QKI: variants seen among roughly 807,000 people sequenced by gnomAD.
The protein encoded by QKI is QKI, KH domain containing RNA binding.
Under a neutral mutation model 39.0 loss-of-function variants are expected in QKI, and 10 were observed. The ratio of observed to expected loss-of-function variants is 0.26; its 90% CI spans 0.16 to 0.43. The LOEUF (loss-of-function observed/expected upper bound fraction) is 0.43. QKI is among the 20% of genes least tolerant of loss of function. The pLI is 1.00. For synonymous variants in QKI, 204 were observed against 155.4 expected, an observed-to-expected ratio of 1.31 and a Z score of -2.33; for missense variants, 218 against 428.0, an observed-to-expected ratio of 0.51 and a Z score of 4.33.
At chr6:163,539,189 C>T (rs536820010) in intron 4 of QKI, among the ~76,000 whole-genome samples, 1 of 152,196 alleles carries the variant, frequency 6.6e-6, no homozygotes, top group South Asian at 2.1e-4. Context: ...CGGGGAGCCC[C>T]TGGATTTGGA....
intron 3 of QKI, 132 bp from the exon 4 acceptor site, chr6:163,534,850 T>A: frequency 1.4e-6 from 1 of 715,060 alleles, no homozygotes; most frequent in East Asian, 3.0e-5. Context: ...GAAAAATAAT[T>A]CAAAGACTTG....
At chr6:163,547,346 C>G (rs893449110) in intron 4 of QKI, among the ~76,000 whole-genome samples, 1 of 152,118 alleles carries the variant, frequency 6.6e-6, no homozygotes, top group African/African-American at 2.4e-5. Flanking sequence ...TTACTGTGTT[C>G]TTAATTGCTT....
intron 6 of QKI, chr6:163,566,461 G>T: frequency 7.6e-7 from 1 of 1,313,552 alleles, no homozygotes; most frequent in Non-Finnish European, 9.7e-7. Context: ...TAGAGCTCAT[G>T]AAATACTGTA....
At chr6:163,429,839 G>A (rs1788691760) in intron 1 of QKI, among the ~76,000 whole-genome samples, 1 of 152,080 alleles carries the variant, frequency 6.6e-6, no homozygotes, top group Admixed American at 6.6e-5. Context: ...ATATGTGTGC[G>A]ATGTTATGAG....
At chr6:163,422,045 T>C (rs1788036041) in intron 1 of QKI, among the ~76,000 whole-genome samples, 1 of 152,116 alleles carries the variant, frequency 6.6e-6, no homozygotes, top group Non-Finnish European at 1.5e-5. Context: ...GTGCTGGGAT[T>C]ACAGGCGTGA....
chr6:163,499,138 T>G (rs1778590700), intron 3 of QKI, among the ~76,000 whole-genome samples: 2 of 152,092 alleles, frequency 1.3e-5, no homozygotes, highest in Non-Finnish European at 2.9e-5. Flanking sequence ...AAGCGTTTTG[T>G]TTTTTTGGAT....
At chr6:163,426,242 T>C (rs1006895891) in intron 1 of QKI, among the ~76,000 whole-genome samples, 2 of 150,494 alleles carry the variant, frequency 1.3e-5, no homozygotes, top group Admixed American at 6.6e-5. Flanking sequence ...TAGAACCATC[T>C]CTTTTTTTTT....
At chr6:163,476,581 G>GA (rs1489534845) in intron 2 of QKI, among the ~76,000 whole-genome samples, 1 of 152,186 alleles carries the variant, frequency 6.6e-6, no homozygotes. Context: ...TTTTTCTAGA[G>GA]AAAAAACTAG....
chr6:163,527,729 T>C (rs1780604876), intron 3 of QKI, among the ~76,000 whole-genome samples: 1 of 152,208 alleles, frequency 6.6e-6, no homozygotes, highest in South Asian at 2.1e-4. Flanking sequence ...CTTTGTAGTT[T>C]TACATCACTG....
intron 2 of QKI, among the ~76,000 whole-genome samples, chr6:163,466,079 A>G (rs1274249425): frequency 6.6e-6 from 1 of 151,620 alleles, no homozygotes; most frequent in Non-Finnish European, 1.5e-5. Context: ...GTGAGCCGAG[A>G]TCACATCACT....
intron 3 of QKI, among the ~76,000 whole-genome samples, chr6:163,488,998 AAC>A (rs1329099047): frequency 7.0e-6 from 1 of 142,320 alleles, no homozygotes; most frequent in African/African-American, 2.5e-5. Flanking sequence ...TTTAAACATA[AAC>A]AGTTATGTAA....
In QKI at chr6:163,486,509, T is replaced by C. The variant is rs552450341; in HGVS notation, c.402+7613T>C. Among the ~76,000 whole-genome samples the C allele has an allele frequency of 9.3e-4, 142 of 152,334 alleles. 1 individual carries two copies. The highest frequency in any genetic ancestry group is 3.4e-3 in the Middle Eastern group (1 of 294). ...TAGGTAGAGCATTTAATAACTTCTT[T>C]TACGTGATGCTTTTCATATACATTA... On this transcript the variant is annotated intron_variant, in intron 3 of 7. Transcript: ENST00000361752.
At chr6:163,478,367 T>C (rs544051107) in intron 2 of QKI, among the ~76,000 whole-genome samples, 1 of 152,336 alleles carries the variant, frequency 6.6e-6, no homozygotes, top group East Asian at 1.9e-4. Context: ...CAAAGGATTT[T>C]GGTAGAAAGG....
At chr6:163,537,224 A>G (rs1321857354) in intron 4 of QKI, among the ~76,000 whole-genome samples, 1 of 152,180 alleles carries the variant, frequency 6.6e-6, no homozygotes, top group African/African-American at 2.4e-5. Context: ...AGTTTGGAGC[A>G]TTATAAACCC....
intron 1 of QKI, among the ~76,000 whole-genome samples, chr6:163,452,644 A>G (rs1434722156): frequency 2.0e-5 from 3 of 152,222 alleles, no homozygotes; most frequent in African/African-American, 7.2e-5. Context: ...GGTATTTATA[A>G]AAATACAACT....
chr6:163,469,007 C>G (rs1389611761), intron 2 of QKI, among the ~76,000 whole-genome samples: 1 of 151,920 alleles, frequency 6.6e-6, no homozygotes, highest in Non-Finnish European at 1.5e-5. Flanking sequence ...ACCTTAACAT[C>G]CTTGAGCTGT....
intron 1 of QKI, among the ~76,000 whole-genome samples, chr6:163,449,466 A>G (rs958205840): frequency 2.0e-5 from 3 of 152,202 alleles, no homozygotes; most frequent in African/African-American, 4.8e-5. Context: ...GAAAAAATAT[A>G]TATGTCTATA....
chr6:163,490,771 A>G (rs1210046641), intron 3 of QKI, among the ~76,000 whole-genome samples: 2 of 152,204 alleles, frequency 1.3e-5, no homozygotes, highest in African/African-American at 2.4e-5. Flanking sequence ...GTAACTTGAC[A>G]GTAGTGGAAG....
intron 2 of QKI, among the ~76,000 whole-genome samples, chr6:163,464,812 A>C (rs1383681416): frequency 6.6e-6 from 1 of 152,214 alleles, no homozygotes; most frequent in Non-Finnish European, 1.5e-5. Flanking sequence ...TGAGCAGGAG[A>C]GAACACTTCC....
Sources: gnomAD v4.1 joint callset for allele counts (sites outside exome capture counted in the v4.1 genomes callset) on GRCh38, gnomAD v4.1.1 for gene constraint, MANE v1.5 for transcripts, NCBI Gene and HGNC (gene_info 2026-07-23, HGNC 2026-07-21) for gene names.